The following CACNA1E variants were observed in gnomAD, a reference collection of about 807,000 sequenced individuals.
CACNA1E encodes voltage-dependent R-type calcium channel subunit alpha-1E.
Under a neutral mutation model 259.2 loss-of-function variants are expected in CACNA1E, and 40 were observed. The ratio of observed to expected loss-of-function variants is 0.15; its 90% CI spans 0.12 to 0.20. The LOEUF is 0.20. CACNA1E is among the 10% of genes least tolerant of loss of function. The pLI, the probability that CACNA1E is intolerant of heterozygous loss-of-function variation, is 1.00. For synonymous variants in CACNA1E, 1,104 were observed against 1,138.5 expected, an observed-to-expected ratio of 0.97 and a Z score of 0.61; for missense variants, 1,874 against 3,040.1, an observed-to-expected ratio of 0.62 and a Z score of 9.02.
chr1:181,362,176 A>G (rs61812660), intron 1 of CACNA1E, among the ~76,000 whole-genome samples: 5,487 of 152,240 alleles, frequency 0.036, 116 homozygotes, highest in Non-Finnish European at 0.048. Context: ...GCAACTTCCA[A>G]TCCTTCCTCA....
chr1:181,702,300 C>G (rs1404939102), intron 7 of CACNA1E, among the ~76,000 whole-genome samples: 1 of 152,074 alleles, frequency 6.6e-6, no homozygotes, highest in Admixed American at 6.6e-5. Context: ...CTAGCTGTGT[C>G]TTCACAGTCT....
intron 1 of CACNA1E, among the ~76,000 whole-genome samples, chr1:181,369,560 G>A (rs1654533851): frequency 6.6e-6 from 1 of 152,224 alleles, no homozygotes; most frequent in Non-Finnish European, 1.5e-5. Flanking sequence ...CGCATACCAG[G>A]AGACATTTTT....
intron 7 of CACNA1E, among the ~76,000 whole-genome samples, chr1:181,701,423 C>T (rs1652244961): frequency 6.6e-6 from 1 of 152,070 alleles, no homozygotes; most frequent in Admixed American, 6.5e-5. Context: ...CTCTTACTTC[C>T]CTGTGGCTCA....
chr1:181,795,824 G>A (rs73045173), intron 46 of CACNA1E, among the ~76,000 whole-genome samples: 7,675 of 140,368 alleles, frequency 0.055, 624 homozygotes, highest in African/African-American at 0.19. Flanking sequence ...TTGGATAAAG[G>A]AATCAAAGTT....
In CACNA1E at chr1:181,732,027, A is replaced by G. The variant is rs1655532034; in HGVS notation, c.2298-357A>G. On this transcript the variant is annotated intron_variant, in intron 19 of 47. Coordinates refer to ENST00000367573, the MANE Select transcript of CACNA1E (RefSeq NM_001205293.3). The surrounding 1 kb of genome is among the most constrained non-coding windows in gnomAD (Gnocchi z 5.5). ...CAAGGGCCGTTGAGTGTGTACAAGC[A>G]GATGCCCCGAAAGCAAGGAGAGCAG... 6.6e-6 allele frequency among the ~76,000 whole-genome samples: 1 copy of G among 151,870 alleles called. No homozygotes were observed. Among genetic ancestry groups the G allele is most frequent in the Non-Finnish European group, 1.5e-5 (1 of 67,988 alleles).
intron 3 of CACNA1E, among the ~76,000 whole-genome samples, chr1:181,538,573 G>T (rs1332943776): frequency 2.0e-5 from 3 of 152,198 alleles, no homozygotes; most frequent in Non-Finnish European, 2.9e-5. Context: ...GTGGAAGAGA[G>T]TGACAAGAAG....
intron 1 of CACNA1E, among the ~76,000 whole-genome samples, chr1:181,404,032 G>A (rs1449152740): frequency 6.6e-6 from 1 of 152,196 alleles, no homozygotes; most frequent in African/African-American, 2.4e-5. Flanking sequence ...CAAAACCCTA[G>A]TAAATGTTAC....
intron 3 of CACNA1E, among the ~76,000 whole-genome samples, chr1:181,543,710 G>A (rs990813339): frequency 2.0e-5 from 3 of 152,146 alleles, no homozygotes; most frequent in Non-Finnish European, 2.9e-5. Context: ...CCAGTGTATG[G>A]TATTTTTTAA....
At chr1:181,520,682 C>A (rs973340007) in intron 3 of CACNA1E, among the ~76,000 whole-genome samples, 1 of 152,174 alleles carries the variant, frequency 6.6e-6, no homozygotes, top group Non-Finnish European at 1.5e-5. Flanking sequence ...TATTTCCTAT[C>A]AGCAGCATAT....
At position 181,798,952 on chromosome 1, in the gene CACNA1E, A is replaced by G. The variant is rs1275586116; in HGVS notation, c.*118A>G. Reference sequence around the variant, plus strand: ...GGGAAAAGGAAGATGGAAGGACACCATGCATTATCAGAGAAGAGGAAGTAA... The same window carrying G: ...GGGAAAAGGAAGATGGAAGGACACCGTGCATTATCAGAGAAGAGGAAGTAA... On this transcript the variant is annotated 3_prime_UTR_variant, in exon 48 of 48. Transcript: ENST00000367573. The surrounding 1 kb of genome is among the most constrained non-coding windows in gnomAD (Gnocchi z 4.2). The G allele has an allele frequency of 2.3e-6, 2 of 867,704 alleles. No individual in the cohort carries two copies. Among genetic ancestry groups the G allele is most frequent in the South Asian group, 2.4e-5 (1 of 42,426 alleles). 53.8% of individuals were successfully genotyped at this position (867,704 alleles called of 1,614,324 possible).
At chr1:181,522,272 C>T (rs1250648823) in intron 3 of CACNA1E, among the ~76,000 whole-genome samples, 2 of 152,126 alleles carry the variant, frequency 1.3e-5, no homozygotes, top group Non-Finnish European at 2.9e-5. Flanking sequence ...TAGCTGAGCA[C>T]ATGTTAAAGA....
At chr1:181,616,975 C>T (rs1169480916) in intron 6 of CACNA1E, among the ~76,000 whole-genome samples, 2 of 152,144 alleles carry the variant, frequency 1.3e-5, no homozygotes, top group Non-Finnish European at 2.9e-5. Context: ...CATAATGTCT[C>T]CTTATTATCT....
chr1:181,739,454 G>A (rs1399082477), intron 25 of CACNA1E, among the ~76,000 whole-genome samples: 1 of 152,176 alleles, frequency 6.6e-6, no homozygotes, highest in Non-Finnish European at 1.5e-5. Context: ...GGCAGAACGG[G>A]GGAAGCAGGA....
At chr1:181,778,158 G>T (rs889276422) in intron 38 of CACNA1E, among the ~76,000 whole-genome samples, 9 of 152,174 alleles carry the variant, frequency 5.9e-5, no homozygotes, top group African/African-American at 2.2e-4. Flanking sequence ...GTTAGAGTTT[G>T]GTTGGCTTTC....
intron 3 of CACNA1E, among the ~76,000 whole-genome samples, chr1:181,530,651 G>A (rs1386754453): frequency 6.6e-6 from 1 of 152,196 alleles, no homozygotes; most frequent in Non-Finnish European, 1.5e-5. Flanking sequence ...TAAATGGAAT[G>A]GCATATGTGA....
At chr1:181,650,512 A>G (rs1658661079) in intron 6 of CACNA1E, among the ~76,000 whole-genome samples, 1 of 152,188 alleles carries the variant, frequency 6.6e-6, no homozygotes, top group African/African-American at 2.4e-5. Context: ...CAAAGGGAAG[A>G]CTGAGAACCC....
intron 26 of CACNA1E, chr1:181,751,933 G>A (rs1273295241): frequency 3.8e-5 from 26 of 680,332 alleles, no homozygotes; most frequent in Middle Eastern, 2.3e-4. Flanking sequence ...GTGTTCATGC[G>A]TGCACACTGG....
At chr1:181,788,549 T>C (rs914687386) in intron 43 of CACNA1E, among the ~76,000 whole-genome samples, 2 of 152,188 alleles carry the variant, frequency 1.3e-5, no homozygotes, top group Admixed American at 1.3e-4. Context: ...TTCTGCACTC[T>C]TAGAGTGGCC....
At chr1:181,586,446 C>T (rs1015445366) in intron 6 of CACNA1E, among the ~76,000 whole-genome samples, 1 of 152,030 alleles carries the variant, frequency 6.6e-6, no homozygotes, top group Non-Finnish European at 1.5e-5. Flanking sequence ...GAGGAGATTC[C>T]AGGACTGAGT....
Sources: gnomAD v4.1 joint callset for allele counts (sites outside exome capture counted in the v4.1 genomes callset) on GRCh38, gnomAD v4.1.1 for gene constraint, Gnocchi (gnomAD v3.1) non-coding constraint, MANE v1.5 for transcripts, NCBI Gene and HGNC (gene_info 2026-07-23, HGNC 2026-07-21) for gene names.